The following SESN1 variants were observed in gnomAD, a reference collection of about 807,000 sequenced individuals.
The protein encoded by SESN1 is sestrin-1.
A neutral mutation model predicts 59.3 loss-of-function variants in SESN1; 30 were observed. The ratio of observed to expected loss-of-function variants is 0.51; its 90% CI spans 0.38 to 0.69. The LOEUF is 0.69. Among genes scored for constraint, SESN1 ranks in the 30% least tolerant of loss-of-function variants. The pLI is 0.00. For missense variants in SESN1, 566 were observed against 673.0 expected, an observed-to-expected ratio of 0.84 and a Z score of 1.76; for synonymous variants, 197 against 219.9, an observed-to-expected ratio of 0.90 and a Z score of 0.92.
chr6:109,089,409 G>A (rs1446365132), intron 1 of SESN1, among the ~76,000 whole-genome samples: 3 of 152,200 alleles, frequency 2.0e-5, no homozygotes, highest in Admixed American at 2.0e-4. Flanking sequence ...GCTTTTGCCA[G>A]TAAAGTTACA....
intron 1 of SESN1, among the ~76,000 whole-genome samples, chr6:109,042,602 A>G (rs1410459212): frequency 6.6e-6 from 1 of 151,902 alleles, no homozygotes; most frequent in South Asian, 2.1e-4. Context: ...ATACTCATAC[A>G]TTTGACAAGT....
At chr6:109,017,995 C>T (rs1035837572) in intron 1 of SESN1, among the ~76,000 whole-genome samples, 3 of 152,108 alleles carry the variant, frequency 2.0e-5, no homozygotes, top group African/African-American at 7.2e-5. Flanking sequence ...GGCGAGAACC[C>T]TGTCTCTTTC....
chr6:109,058,929 G>A (rs1222032824), intron 1 of SESN1, among the ~76,000 whole-genome samples: 1 of 151,634 alleles, frequency 6.6e-6, no homozygotes, highest in African/African-American at 2.4e-5. Flanking sequence ...CCTTATAAAG[G>A]GTGGGTGGGT....
At chr6:109,064,208 C>A (rs756795390) in intron 1 of SESN1, among the ~76,000 whole-genome samples, 42 of 151,958 alleles carry the variant, frequency 2.8e-4, no homozygotes, top group Non-Finnish European at 3.7e-4. Flanking sequence ...TTCCTACAGG[C>A]CATATGATCA....
At chr6:109,050,431 A>T (rs925054682) in intron 1 of SESN1, among the ~76,000 whole-genome samples, 1 of 152,090 alleles carries the variant, frequency 6.6e-6, no homozygotes, top group African/African-American at 2.4e-5. Context: ...AGTGAATCAT[A>T]GACTTTCCAT....
At chr6:109,052,430 G>C (rs1027931686) in intron 1 of SESN1, among the ~76,000 whole-genome samples, 1 of 152,140 alleles carries the variant, frequency 6.6e-6, no homozygotes, top group East Asian at 1.9e-4. Context: ...GAAAGCCACT[G>C]CTATTATAAC....
intron 1 of SESN1, among the ~76,000 whole-genome samples, chr6:109,028,147 T>C (rs1780124408): frequency 6.7e-6 from 1 of 149,538 alleles, no homozygotes. Flanking sequence ...GTTGTAAACT[T>C]TTTTTCCCCA....
Position 109,002,340 on chromosome 6 carries a change from G to C in SESN1, c.283C>G (p.Leu95Val), listed in dbSNP as rs1171482262. 1.2e-6 allele frequency: 2 copies of C among 1,612,900 alleles called. No homozygotes were observed. Among genetic ancestry groups the C allele is most frequent in the South Asian group, 1.1e-5 (1 of 91,044 alleles). ...SEFILKSIQE[L>V]GIRIPRPLGQ... The stretch of plus-strand genomic sequence containing the variant: ...AGTGGTCGAGGAATTCTAATGCCAA[G>C]TTCCTAGAAAAGAAAATTACACCAT... The change falls in exon 2 of 10, where the codon CTT (leucine) becomes GTT (valine). Residue 95 changes from leucine (L) to valine (V), a missense_variant. Coordinates refer to ENST00000436639, the MANE Select transcript of SESN1 (RefSeq NM_014454.3).
At chr6:109,085,881 T>C (rs1241987474) in intron 1 of SESN1, among the ~76,000 whole-genome samples, 3 of 152,154 alleles carry the variant, frequency 2.0e-5, no homozygotes, top group African/African-American at 7.2e-5. Flanking sequence ...CACGCTGCCC[T>C]CCCTGACCAG....
At chr6:109,060,257 AAGG>A (rs1345302690) in intron 1 of SESN1, among the ~76,000 whole-genome samples, 11 of 152,320 alleles carry the variant, frequency 7.2e-5, no homozygotes, top group South Asian at 6.2e-4. Context: ...AAAAATTTAA[AAGG>A]AGAATTTTTA....
Position 109,006,341 on chromosome 6 carries a change from C to T in SESN1, c.280-3998G>A, listed in dbSNP as rs554433925. On this transcript the variant is annotated intron_variant, in intron 1 of 9. Transcript: ENST00000436639. ...TACTTTAAGTTCTAGGGTACATGTG[C>T]ACAATGTGCAGGTTTGTTACATATG... Among the ~76,000 whole-genome samples the T allele has an allele frequency of 9.9e-5, 15 of 152,000 alleles. No homozygotes were observed. The South Asian group carries it at 3.1e-3, about 32-fold the overall frequency.
At chr6:109,005,379 A>G (rs1779711782) in intron 1 of SESN1, among the ~76,000 whole-genome samples, 1 of 152,204 alleles carries the variant, frequency 6.6e-6, no homozygotes, top group African/African-American at 2.4e-5. Context: ...AACCTCACTG[A>G]TTCAATTTCT....
chr6:109,031,416 A>G (rs545998831), intron 1 of SESN1, among the ~76,000 whole-genome samples: 20 of 152,274 alleles, frequency 1.3e-4, no homozygotes, highest in African/African-American at 4.6e-4. Flanking sequence ...CCAGCCTCAC[A>G]CCACCACCAA....
chr6:109,064,432 TA>T (rs1357955700), intron 1 of SESN1, among the ~76,000 whole-genome samples: 43 of 150,304 alleles, frequency 2.9e-4, no homozygotes, highest in Non-Finnish European at 1.3e-4. Flanking sequence ...ATGTACTAAT[TA>T]ACACCAAAAT....
intron 1 of SESN1, among the ~76,000 whole-genome samples, chr6:109,084,312 G>A (rs1315110204): frequency 6.6e-6 from 1 of 152,160 alleles, no homozygotes; most frequent in Non-Finnish European, 1.5e-5. Context: ...TGTAATCCTA[G>A]CACTTTGGGA....
chr6:109,058,154 G>A lies in SESN1; in HGVS notation c.279+35641C>T, dbSNP rs554189417. 3.2e-3 allele frequency among the ~76,000 whole-genome samples: 486 copies of A among 152,050 alleles called. 2 individuals carry two copies. The highest frequency in any genetic ancestry group is 0.011 in the African/African-American group (450 of 41,446). ...GGCTGGAGTGGAGTGGTACGATCAC[G>A]GCTCACCGCAGCCTTGACCTCCTGA... On this transcript the variant is annotated intron_variant, in intron 1 of 9. Coordinates refer to ENST00000436639, the MANE Select transcript of SESN1 (RefSeq NM_014454.3).
chr6:108,990,843 C>T lies in SESN1; in HGVS notation c.1234-8G>A, dbSNP rs1188772784. ...ATCTTCCCAGCAATAGTCCTAAATA[C>T]AGGGAATAGAACAAATGTGAATAAA... On this transcript the variant is annotated splice_polypyrimidine_tract_variant and splice_region_variant and intron_variant, in intron 7 of 9. Transcript: ENST00000436639. The T allele has an allele frequency of 6.2e-7, 1 of 1,611,096 alleles. No individual in the cohort carries two copies.
intron 1 of SESN1, among the ~76,000 whole-genome samples, chr6:109,042,216 G>A (rs1323017537): frequency 6.6e-6 from 1 of 151,794 alleles, no homozygotes; most frequent in Non-Finnish European, 1.5e-5. Context: ...AGTGCTGAGA[G>A]GGAAATTTAT....
chr6:109,001,846 G>A (rs895933590), intron 2 of SESN1, among the ~76,000 whole-genome samples: 1 of 152,086 alleles, frequency 6.6e-6, no homozygotes, highest in Non-Finnish European at 1.5e-5. Flanking sequence ...AATTTAAGGA[G>A]AACTAAAATT....
Sources: allele counts gnomAD v4.1 joint callset (sites outside exome capture counted in the v4.1 genomes callset), GRCh38; gene constraint gnomAD v4.1.1; transcripts MANE v1.5; gene names NCBI Gene and HGNC (gene_info 2026-07-23, HGNC 2026-07-21).